DDX3Y: variants seen among roughly 807,000 people sequenced by gnomAD.
The protein encoded by DDX3Y is ATP-dependent RNA helicase DDX3Y.
DDX3Y carries 2 observed loss-of-function variants against 15.1 expected under a neutral mutation model. The observed-to-expected ratio is 0.13, with a 90% CI of 0.05 to 0.42. The LOEUF is 0.42. Among genes scored for constraint, DDX3Y ranks in the 10% least tolerant of loss-of-function variants. The pLI is 0.99. For missense variants in DDX3Y, 81 were observed against 149.9 expected (o/e 0.54, Z 2.40); for synonymous variants, 47 against 45.0 (o/e 1.04, Z -0.18).
Position 12,913,770 on chromosome Y carries a change from G to A in DDX3Y, c.590G>A (p.Arg197His). The change falls in exon 7 of 17, where the codon CGC becomes CAC. Residue 197 changes from arginine (R) to histidine (H), a missense_variant. This residue lies in a region of DDX3Y where 52 missense variants were observed against 122.8 expected (regional missense o/e 0.42). Coordinates refer to ENST00000336079, the MANE Select transcript of DDX3Y (RefSeq NM_004660.5). ...ATCATGGGGAACATTGAACTTACTC[G>A]CTATACTCGTCCTACTCCAGTGCAA... ...EIIMGNIELT[R>H]YTRPTPVQKH... The A allele has an allele frequency of 5.0e-6, 2 of 396,543 alleles. No homozygotes were observed. The highest frequency in any genetic ancestry group is 7.1e-6 in the Non-Finnish European group (2 of 281,689).
intron 1 of DDX3Y, among the ~76,000 whole-genome samples, chrY:12,906,196 C>T (rs2053611010): frequency 3.0e-5 from 1 of 33,366 alleles, no homozygotes; most frequent in Non-Finnish European, 7.4e-5. Flanking sequence ...GCATTTCTGC[C>T]TCCCAAGTCT....
intron 10 of DDX3Y, 51 bp downstream of exon 10, chrY:12,915,278 A>G (rs1346124130): frequency 1.1e-5 from 4 of 363,461 alleles, no homozygotes; most frequent in Non-Finnish European, 1.6e-5. Flanking sequence ...TTAAAAGTTG[A>G]TTACTTTTGT....
In DDX3Y at chrY:12,919,582, A is replaced by G; in HGVS notation, c.*1460A>G. On this transcript the variant is annotated 3_prime_UTR_variant, in exon 17 of 17. Coordinates refer to ENST00000336079, the MANE Select transcript of DDX3Y (RefSeq NM_004660.5). ...GGTCATTTGTTAAGGTGCTATTTCAATTAGTGTAGGTTTAGACTCTTGTAC... is the reference window on the plus strand; with the variant it reads ...GGTCATTTGTTAAGGTGCTATTTCAGTTAGTGTAGGTTTAGACTCTTGTAC... The G allele has an allele frequency of 1.2e-4, 4 of 34,007 alleles. No homozygotes were observed. The highest frequency in any genetic ancestry group is 6.4e-4 in the South Asian group (1 of 1,572). The allele number at this position is 34,007 out of a possible 400,897, so 8.5% of individuals were successfully genotyped here. A position where few individuals can be genotyped will look rare whatever the true frequency, so the allele number is the denominator to read the frequency against.
At chrY:12,912,100 T>C in intron 4 of DDX3Y, 132 bp downstream of exon 4, 2 of 160,716 alleles carry the variant, frequency 1.2e-5, no homozygotes, top group Non-Finnish European at 2.3e-5. Context: ...AGAATGTTGG[T>C]TTACTCATTG....
chrY:12,909,957 G>T (rs529471758), intron 3 of DDX3Y, among the ~76,000 whole-genome samples: 2 of 32,927 alleles, frequency 6.1e-5, no homozygotes, highest in South Asian at 6.6e-4. Flanking sequence ...TTTAATTGGG[G>T]TGATGTTTTG....
chrY:12,905,709 G>A, intron 1 of DDX3Y: 1 of 306,230 alleles, frequency 3.3e-6, no homozygotes, highest in Non-Finnish European at 4.4e-6. Context: ...GACGCAGAAG[G>A]ACCGGAAAGG....
At chrY:12,906,101 A>G (rs2053610808) in intron 1 of DDX3Y, among the ~76,000 whole-genome samples, 2 of 33,485 alleles carry the variant, frequency 6.0e-5, no homozygotes, top group Non-Finnish European at 7.4e-5. Context: ...TAGGTGGTCT[A>G]CGTGTTAGAT....
intron 4 of DDX3Y, 108 bp from the exon 5 acceptor site, chrY:12,912,619 G>A: frequency 3.6e-6 from 1 of 280,795 alleles, no homozygotes; most frequent in African/African-American, 7.3e-5. Context: ...CAGTATCTTC[G>A]AAGGGTGGTT....
intron 3 of DDX3Y, among the ~76,000 whole-genome samples, chrY:12,910,913 GT>G (rs35222057): frequency 1.2e-4 from 3 of 25,309 alleles, no homozygotes; most frequent in Middle Eastern, 0.034. Flanking sequence ...AGTTGGAGCT[GT>G]TTTTTTTTTT....
At chrY:12,917,900 G>T in intron 16 of DDX3Y, 143 bp from the exon 17 acceptor site, 1 of 155,844 alleles carries the variant, frequency 6.4e-6, no homozygotes, top group South Asian at 5.2e-5. Flanking sequence ...CTTTTTCAAA[G>T]CATAATTCAT....
chrY:12,917,953 A>G (rs372645958), intron 16 of DDX3Y, 90 bp from the exon 17 acceptor site: 2 of 198,681 alleles, frequency 1.0e-5, no homozygotes, highest in African/African-American at 1.7e-4. Flanking sequence ...CCAACTCTAG[A>G]TTTCTTTTAC....
chrY:12,917,357 A>C, intron 15 of DDX3Y, 46 bp from the exon 16 acceptor site: 1 of 391,644 alleles, frequency 2.6e-6, no homozygotes, highest in Non-Finnish European at 3.6e-6. Flanking sequence ...TTTCAGTTTA[A>C]TTGAACTTTG....
At position 12,907,605 on chromosome Y, in the gene DDX3Y, C is replaced by CT; in HGVS notation, c.103+18dup. On this transcript the variant is annotated intron_variant, in intron 2 of 16. Transcript: ENST00000336079. ...CAAGTACAGCGAGCAGTAAGTAAAA[C>CT]TTTTTTTAAAAATGGAGTGTTTATC... 1 of 350,740 alleles carries CT rather than the reference C, an allele frequency of 2.9e-6. No individual in the cohort carries two copies. Among genetic ancestry groups the CT allele is most frequent in the South Asian group, 3.7e-5 (1 of 27,334 alleles). 87.5% of individuals were successfully genotyped at this position (350,740 alleles called of 400,897 possible).
chrY:12,906,159 A>C, intron 1 of DDX3Y, among the ~76,000 whole-genome samples: 6 of 33,456 alleles, frequency 1.8e-4, no homozygotes. Flanking sequence ...TGCATTTGGC[A>C]CACCAGTCGT....
intron 16 of DDX3Y, among the ~76,000 whole-genome samples, chrY:12,917,825 G>A (rs2148300884): frequency 3.1e-5 from 1 of 32,134 alleles, no homozygotes; most frequent in East Asian, 8.0e-4. Flanking sequence ...GCCTCCCGAA[G>A]TGCTGGGATT....
At chrY:12,911,565 GA>G (rs2053628067) in intron 3 of DDX3Y, among the ~76,000 whole-genome samples, 3 of 33,624 alleles carry the variant, frequency 8.9e-5, no homozygotes, top group Non-Finnish European at 2.2e-4. Flanking sequence ...AAAAATGAAT[GA>G]AAAAAATTGT....
chrY:12,905,732 G>A, intron 1 of DDX3Y: 1 of 313,062 alleles, frequency 3.2e-6, no homozygotes, highest in Non-Finnish European at 4.4e-6. Flanking sequence ...TGGTGGGGAG[G>A]GTAGGGAAGG....
chrY:12,917,753 G>A, intron 16 of DDX3Y, among the ~76,000 whole-genome samples: 4 of 30,547 alleles, frequency 1.3e-4, no homozygotes. Context: ...TAATAGAGAT[G>A]GGGTTTCACC....
At chrY:12,907,678 A>G in intron 2 of DDX3Y, 84 bp downstream of exon 2, 1 of 153,704 alleles carries the variant, frequency 6.5e-6, no homozygotes, top group Non-Finnish European at 1.1e-5. Context: ...TTAAATTTAC[A>G]TTTTTTTCTT....
Sources: gnomAD v4.1 joint callset for allele counts (sites outside exome capture counted in the v4.1 genomes callset) on GRCh38, gnomAD v4.1.1 for gene constraint, gnomAD v4.1.1 regional missense constraint, MANE v1.5 for transcripts, NCBI Gene and HGNC (gene_info 2026-07-23, HGNC 2026-07-21) for gene names.